Variants in RAMP3 observed in about 807,000 individuals in gnomAD.
The protein encoded by RAMP3 is receptor activity modifying protein 3.
RAMP3 carries 14 observed loss-of-function variants against 13.5 expected under a neutral mutation model. The observed-to-expected ratio is 1.04, with a 90% CI of 0.69 to 1.63. RAMP3 has a LOEUF of 1.63. Ranked by LOEUF, RAMP3 falls within the 40% of genes most tolerant of loss-of-function variation. RAMP3 has a pLI of 0.00. For synonymous variants in RAMP3, 106 were observed against 88.3 expected (o/e 1.20, Z -1.12); for missense variants, 200 against 204.8 (o/e 0.98, Z 0.14).
intron 1 of RAMP3, chr7:45,163,330 A>G: frequency 2.0e-6 from 2 of 985,428 alleles, no homozygotes; most frequent in Non-Finnish European, 2.4e-6. Context: ...CTTATAGAAG[A>G]ATGGCTTCAC....
At chr7:45,180,456 C>T (rs774192507) in intron 2 of RAMP3, among the ~76,000 whole-genome samples, 4 of 152,330 alleles carry the variant, frequency 2.6e-5, no homozygotes, top group East Asian at 3.9e-4. Flanking sequence ...GTCCACATGA[C>T]GACCCCATCA....
intron 1 of RAMP3, among the ~76,000 whole-genome samples, chr7:45,171,353 G>A (rs866699851): frequency 3.6e-4 from 54 of 151,970 alleles, no homozygotes; most frequent in Admixed American, 1.6e-3. Context: ...ATGGGGTTTT[G>A]CCATGTTGTC....
At position 45,180,066 on chromosome 7, in the gene RAMP3, C is replaced by T. The variant is rs922478118; in HGVS notation, c.191+2625C>T. ...AGGGAGAAACGAAAATACTGTCAGACGTGTGGCACCTCCAGCATCTGATTC... is the reference window on the plus strand; with the variant it reads ...AGGGAGAAACGAAAATACTGTCAGATGTGTGGCACCTCCAGCATCTGATTC... On this transcript the variant is annotated intron_variant, in intron 2 of 2. Coordinates refer to ENST00000242249, the MANE Select transcript of RAMP3 (RefSeq NM_005856.3). Among the ~76,000 whole-genome samples the T allele has an allele frequency of 1.1e-4, 16 of 152,252 alleles. No individual in the cohort carries two copies. In the East Asian group the frequency reaches 1.7e-3, roughly 16 times the overall value.
At chr7:45,168,889 T>C (rs1348588684) in intron 1 of RAMP3, among the ~76,000 whole-genome samples, 1 of 152,244 alleles carries the variant, frequency 6.6e-6, no homozygotes, top group Non-Finnish European at 1.5e-5. Context: ...CATCATTGGT[T>C]ATGTTAACTC....
intron 1 of RAMP3, among the ~76,000 whole-genome samples, chr7:45,173,419 T>C (rs1055092023): frequency 3.3e-5 from 5 of 152,208 alleles, no homozygotes; most frequent in Admixed American, 1.3e-4. Flanking sequence ...CCCTGGGCTA[T>C]TGTCCAGGCT....
At chr7:45,163,227 C>G (rs771586929) in intron 1 of RAMP3, 33 of 985,246 alleles carry the variant, frequency 3.3e-5, no homozygotes, top group Non-Finnish European at 4.0e-5. Flanking sequence ...TGGTGGCTGC[C>G]CTGAAAGATG....
intron 1 of RAMP3, among the ~76,000 whole-genome samples, chr7:45,161,232 CCTT>C (rs1785860382): frequency 6.6e-6 from 1 of 152,060 alleles, no homozygotes; most frequent in Non-Finnish European, 1.5e-5. Flanking sequence ...AGGGACCCCT[CCTT>C]CTCTTTTTAG....
At chr7:45,178,562 T>G (rs983805710) in intron 2 of RAMP3, among the ~76,000 whole-genome samples, 6 of 152,156 alleles carry the variant, frequency 3.9e-5, no homozygotes, top group Admixed American at 1.3e-4. Context: ...CCCCACTCTG[T>G]GGGGGAACTG....
chr7:45,174,903 G>A (rs538184262), intron 1 of RAMP3, among the ~76,000 whole-genome samples: 51 of 152,280 alleles, frequency 3.3e-4, no homozygotes, highest in African/African-American at 1.1e-3. Flanking sequence ...ACATGATAGC[G>A]GTGGTCCAGG....
In RAMP3 at chr7:45,183,232, C is replaced by T; in HGVS notation, c.267C>T (p.Ala89=). ...VVGCYWPNPL[A]QGFITGIHRQ... is the part of the protein sequence containing the mutation. Reference sequence around the variant, plus strand: ...GCTGCTACTGGCCCAACCCCCTGGCCCAGGGCTTCATCACCGGCATCCACA... The same window carrying T: ...GCTGCTACTGGCCCAACCCCCTGGCTCAGGGCTTCATCACCGGCATCCACA... Residue 89 remains alanine, a synonymous_variant, in exon 3 of 3, where the codon GCC becomes GCT. Transcript: ENST00000242249. 2 of 1,613,890 alleles carry T rather than the reference C, an allele frequency of 1.2e-6. No homozygotes were observed. The highest frequency in any genetic ancestry group is 1.3e-5 in the African/African-American group (1 of 75,044).
Position 45,174,533 on chromosome 7 carries a change from C to T in RAMP3, c.59-2776C>T, listed in dbSNP as rs190313415. Among the ~76,000 whole-genome samples, 1,006 of 152,272 alleles carry T rather than the reference C, an allele frequency of 6.6e-3. 3 individuals are homozygous for T. Among genetic ancestry groups the T allele is most frequent in the Non-Finnish European group, 0.01 (701 of 68,006 alleles). On this transcript the variant is annotated intron_variant, in intron 1 of 2. Coordinates refer to ENST00000242249, the MANE Select transcript of RAMP3 (RefSeq NM_005856.3). The stretch of plus-strand genomic sequence containing the variant: ...CAGCTCAAGTCCTCTTAGGTGATCC[C>T]GATGGGGCCTGTGCATTTTTTATCC...
chr7:45,163,093 A>T (rs1459480848), intron 1 of RAMP3: 2 of 902,308 alleles, frequency 2.2e-6, no homozygotes, highest in African/African-American at 3.6e-5. Flanking sequence ...TGTCTGAATC[A>T]CTTGGAGGTT....
At position 45,183,169 on chromosome 7, in the gene RAMP3, T is replaced by G. The variant is rs201864885; in HGVS notation, c.204T>G (p.Ser68Arg). Reference sequence around the variant, plus strand: ...TCTGCTTTTGCAGGTACTATGAGAGTTTCACCAACTGCACCGAGATGGAGG... The same window carrying G: ...TCTGCTTTTGCAGGTACTATGAGAGGTTCACCAACTGCACCGAGATGGAGG... ...NLSEFIVYYE[S>R]FTNCTEMEAN... is the part of the protein sequence containing the mutation. The change falls in exon 3 of 3, where the codon AGT (serine) becomes AGG (arginine). Residue 68 changes from serine (S) to arginine (R), a missense_variant. Transcript: ENST00000242249. 66 of 1,610,924 alleles carry G rather than the reference T, an allele frequency of 4.1e-5. No homozygotes were observed. Among genetic ancestry groups the G allele is most frequent in the Non-Finnish European group, 4.9e-5 (58 of 1,179,782 alleles).
intron 2 of RAMP3, 47 bp downstream of exon 2, chr7:45,177,488 C>T: frequency 6.2e-7 from 1 of 1,609,942 alleles, no homozygotes; most frequent in East Asian, 2.2e-5. Context: ...CACAGCGCTG[C>T]CCACTGCCCA....
At chr7:45,170,789 G>T (rs1786065024) in intron 1 of RAMP3, among the ~76,000 whole-genome samples, 1 of 152,114 alleles carries the variant, frequency 6.6e-6, no homozygotes, top group South Asian at 2.1e-4. Context: ...GGGACTGCAG[G>T]TGTGCCACTA....
chr7:45,160,336 A>C (rs1785841088), intron 1 of RAMP3, among the ~76,000 whole-genome samples: 3 of 68,822 alleles, frequency 4.4e-5, no homozygotes, highest in African/African-American at 3.9e-4. Flanking sequence ...GCCTCAAAAA[A>C]AAAAAAAAAA....
At chr7:45,174,820 A>T (rs950835164) in intron 1 of RAMP3, among the ~76,000 whole-genome samples, 7 of 152,188 alleles carry the variant, frequency 4.6e-5, no homozygotes, top group African/African-American at 1.7e-4. Context: ...TGGAACCCAG[A>T]TGGCAGGTCC....
intron 1 of RAMP3, 144 bp from the exon 2 acceptor site, chr7:45,177,165 G>C (rs1005142169): frequency 9.7e-7 from 1 of 1,036,084 alleles, no homozygotes; most frequent in Admixed American, 2.5e-5. Flanking sequence ...CAGGGTGGAG[G>C]GTGAAGGACT....
rs1352793011 is a variant in RAMP3 at position 45,157,823 on chromosome 7, C to A, written c.-6C>A. ...CCGAGCGTGACCCAGCTGCGGCCGG[C>A]CAGCCATGGAGACTGGAGCGCTGCG... On this transcript the variant is annotated 5_prime_UTR_variant, in exon 1 of 3. Transcript: ENST00000242249. The A allele has an allele frequency of 3.5e-6, 5 of 1,445,114 alleles. No homozygotes were observed. Among genetic ancestry groups the A allele is most frequent in the Non-Finnish European group, 4.5e-6 (5 of 1,108,110 alleles). 89.5% of individuals were successfully genotyped at this position (1,445,114 alleles called of 1,614,324 possible). A position where few individuals can be genotyped will look rare whatever the true frequency, so the allele number is the denominator to read the frequency against.
Sources: gnomAD v4.1 joint callset for allele counts (sites outside exome capture counted in the v4.1 genomes callset) on GRCh38, gnomAD v4.1.1 for gene constraint, MANE v1.5 for transcripts, NCBI Gene and HGNC (gene_info 2026-07-23, HGNC 2026-07-21) for gene names.